The following UBE2R2 variants were observed in gnomAD, a reference collection of about 807,000 sequenced individuals.
UBE2R2 encodes the protein ubiquitin-conjugating enzyme E2 R2.
Under a neutral mutation model 27.8 loss-of-function variants are expected in UBE2R2, and 1 was observed. That is an observed-to-expected ratio of 0.04 (90% confidence interval 0.01 to 0.17). UBE2R2 has a LOEUF of 0.17. Ranked by LOEUF, UBE2R2 falls within the 10% of genes least tolerant of loss-of-function variation. UBE2R2 has a pLI of 1.00. For missense variants in UBE2R2, 100 were observed against 291.0 expected, an observed-to-expected ratio of 0.34 and a Z score of 4.78; for synonymous variants, 106 against 113.3, an observed-to-expected ratio of 0.94 and a Z score of 0.41.
At chr9:33,888,344 T>G (rs1257190725) in intron 2 of UBE2R2, among the ~76,000 whole-genome samples, 1 of 152,204 alleles carries the variant, frequency 6.6e-6, no homozygotes, top group Non-Finnish European at 1.5e-5. Context: ...AATCTTTTAT[T>G]TGCAATATGG....
intron 2 of UBE2R2, among the ~76,000 whole-genome samples, chr9:33,896,584 C>T (rs748715223): frequency 1.3e-5 from 2 of 150,800 alleles, no homozygotes; most frequent in Non-Finnish European, 3.0e-5. Context: ...CTGGGACTAC[C>T]GGCGCTGTGT....
At chr9:33,914,553 T>C (rs1822589785) in intron 4 of UBE2R2, among the ~76,000 whole-genome samples, 1 of 152,186 alleles carries the variant, frequency 6.6e-6, no homozygotes, top group Non-Finnish European at 1.5e-5. Flanking sequence ...AAGAATTGGC[T>C]GCCTGGTGTG....
At chr9:33,890,112 G>A (rs1436140886) in intron 2 of UBE2R2, among the ~76,000 whole-genome samples, 1 of 151,814 alleles carries the variant, frequency 6.6e-6, no homozygotes, top group Non-Finnish European at 1.5e-5. Flanking sequence ...AGTGTAGGTA[G>A]GTAATTACAC....
chr9:33,863,178 G>A (rs1385941409), intron 1 of UBE2R2, among the ~76,000 whole-genome samples: 6 of 133,684 alleles, frequency 4.5e-5, no homozygotes, highest in East Asian at 2.1e-4. Flanking sequence ...GCAACAGAGC[G>A]AGACTCCCTC....
intron 1 of UBE2R2, among the ~76,000 whole-genome samples, chr9:33,870,868 G>A (rs1286521967): frequency 1.3e-5 from 2 of 152,108 alleles, no homozygotes; most frequent in Non-Finnish European, 2.9e-5. Flanking sequence ...AAAACTGAGA[G>A]TTGTCCTTGA....
intron 4 of UBE2R2, among the ~76,000 whole-genome samples, chr9:33,916,350 A>G (rs886758095): frequency 1.3e-5 from 2 of 152,162 alleles, no homozygotes; most frequent in Non-Finnish European, 2.9e-5. Context: ...TGGGTGGGGA[A>G]GAGTGGGTCG....
chr9:33,849,197 C>T (rs761470884), intron 1 of UBE2R2, among the ~76,000 whole-genome samples: 6 of 151,962 alleles, frequency 3.9e-5, no homozygotes, highest in Non-Finnish European at 7.4e-5. Flanking sequence ...GCGGAGGTTG[C>T]GGTGAGCCGA....
chr9:33,899,134 G>A (rs1056924339), intron 2 of UBE2R2, among the ~76,000 whole-genome samples: 2 of 152,036 alleles, frequency 1.3e-5, no homozygotes, highest in Non-Finnish European at 2.9e-5. Context: ...TGTACTCTAG[G>A]TACACAGATA....
chr9:33,872,895 C>T (rs1459280000), intron 1 of UBE2R2, among the ~76,000 whole-genome samples: 1 of 152,026 alleles, frequency 6.6e-6, no homozygotes, highest in Non-Finnish European at 1.5e-5. Context: ...TCATATCAGG[C>T]CGGGCTCTGT....
intron 1 of UBE2R2, among the ~76,000 whole-genome samples, chr9:33,882,350 G>A (rs755349909): frequency 3.9e-5 from 6 of 152,010 alleles, no homozygotes; most frequent in African/African-American, 7.3e-5. Flanking sequence ...GCAGTGGTGC[G>A]ATCTCGGCTC....
rs36097436 is a variant in UBE2R2 at position 33,897,320 on chromosome 9, C to CT, written c.265-2842dup. Reference sequence around the variant, plus strand: ...CAAAGTGCTGGGATTCAGAAAAACTCTTTTTTTTTTTTGGAGACAAGAGTT... The same window carrying CT: ...CAAAGTGCTGGGATTCAGAAAAACTCTTTTTTTTTTTTTGGAGACAAGAGTT... On this transcript the variant is annotated intron_variant, in intron 2 of 4. Transcript: ENST00000263228. Among the ~76,000 whole-genome samples the CT allele has an allele frequency of 1.2e-3, 168 of 140,216 alleles. No individual in the cohort carries two copies. In the Middle Eastern group the frequency reaches 0.012, roughly 10 times the overall value. 92.0% of individuals were successfully genotyped at this position (140,216 alleles called of 152,430 possible).
chr9:33,887,646 T>TTTTG (rs201263026), intron 2 of UBE2R2, among the ~76,000 whole-genome samples: 3,371 of 150,216 alleles, frequency 0.022, 48 homozygotes, highest in South Asian at 0.034. Context: ...AAGTGTGCTT[T>TTTTG]TTTGTTTGTT....
At chr9:33,891,817 CTGT>C (rs1821993202) in intron 2 of UBE2R2, among the ~76,000 whole-genome samples, 1 of 151,654 alleles carries the variant, frequency 6.6e-6, no homozygotes, top group Non-Finnish European at 1.5e-5. Context: ...GCAAAACTTT[CTGT>C]TGTTGTTGGC....
At chr9:33,916,306 A>G (rs1405920210) in intron 4 of UBE2R2, among the ~76,000 whole-genome samples, 1 of 152,100 alleles carries the variant, frequency 6.6e-6, no homozygotes, top group Admixed American at 6.5e-5. Context: ...ACGCCGCTGC[A>G]CTCCAGCCTG....
intron 1 of UBE2R2, among the ~76,000 whole-genome samples, chr9:33,836,332 G>T (rs1169711409): frequency 6.6e-6 from 1 of 152,212 alleles, no homozygotes; most frequent in African/African-American, 2.4e-5. Flanking sequence ...TAAGCATGCT[G>T]TATGATGTTC....
chr9:33,831,493 T>C (rs536344151), intron 1 of UBE2R2, among the ~76,000 whole-genome samples: 1 of 152,264 alleles, frequency 6.6e-6, no homozygotes, highest in South Asian at 2.1e-4. Context: ...CTCGGCTCAC[T>C]GCAACCTCCA....
In UBE2R2 at chr9:33,900,996, C is replaced by T. The variant is rs76061536; in HGVS notation, c.362+725C>T. On this transcript the variant is annotated intron_variant, in intron 3 of 4. Coordinates refer to ENST00000263228, the MANE Select transcript of UBE2R2 (RefSeq NM_017811.4). ...TCTTTGAGACAGTGTCTTCCCGTCA[C>T]CCAGACTGGTGTGCAGCGGTGTGAT... Among the ~76,000 whole-genome samples, 132 of 152,272 alleles carry T rather than the reference C, an allele frequency of 8.7e-4. No individual in the cohort carries two copies. In the East Asian group the frequency reaches 0.023, roughly 26 times the overall value.
chr9:33,916,019 A>C (rs1456028511), intron 4 of UBE2R2, among the ~76,000 whole-genome samples: 4 of 152,130 alleles, frequency 2.6e-5, no homozygotes, highest in African/African-American at 9.7e-5. Flanking sequence ...GACCAGGGTG[A>C]ATGTGTTGAA....
chr9:33,848,474 A>G (rs1041186008), intron 1 of UBE2R2, among the ~76,000 whole-genome samples: 6 of 152,146 alleles, frequency 3.9e-5, no homozygotes, highest in Non-Finnish European at 8.8e-5. Context: ...TTCACCTCAA[A>G]TCAGTCAAGG....
Sources: allele counts gnomAD v4.1 joint callset (sites outside exome capture counted in the v4.1 genomes callset), GRCh38; gene constraint gnomAD v4.1.1; transcripts MANE v1.5; gene names NCBI Gene and HGNC (gene_info 2026-07-23, HGNC 2026-07-21).